DNAJB6: variants seen among roughly 807,000 people sequenced by gnomAD.
DNAJB6 encodes dnaJ homolog subfamily B member 6.
Under a neutral mutation model 42.7 loss-of-function variants are expected in DNAJB6, and 16 were observed. The ratio of observed to expected loss-of-function variants is 0.37; its 90% CI spans 0.25 to 0.57. The LOEUF (loss-of-function observed/expected upper bound fraction) is 0.57. Among genes scored for constraint, DNAJB6 ranks in the 20% least tolerant of loss-of-function variants. DNAJB6 has a pLI of 0.74. For missense variants in DNAJB6, 347 were observed against 416.8 expected (o/e 0.83, Z 1.46); for synonymous variants, 170 against 163.5 (o/e 1.04, Z -0.30).
rs1003716688 is a variant in DNAJB6 at position 157,416,778 on chromosome 7, A to C, written c.*680A>C. On this transcript the variant is annotated 3_prime_UTR_variant, in exon 10 of 10. Transcript: ENST00000262177. ...TTTTTGCTAATTATTTTTAGCAAAA[A>C]ATTTTTGCTCAGTGGCACTCTCCCT... 2 of 152,144 alleles carry C rather than the reference A, an allele frequency of 1.3e-5. No homozygotes were observed. Among genetic ancestry groups the C allele is most frequent in the Non-Finnish European group, 2.9e-5 (2 of 68,052 alleles). 9.4% of individuals were successfully genotyped at this position (152,144 alleles called of 1,614,324 possible). A position where few individuals can be genotyped will look rare whatever the true frequency, so the allele number is the denominator to read the frequency against.
rs111582558 is a variant in DNAJB6 at position 157,345,812 on chromosome 7, T to G, written c.-27+8668T>G. 8.9e-3 allele frequency among the ~76,000 whole-genome samples: 1,363 copies of G among 152,292 alleles called. 25 individuals are homozygous for G. The highest frequency in any genetic ancestry group is 0.031 in the African/African-American group (1,299 of 41,564). On this transcript the variant is annotated intron_variant, in intron 1 of 9. Coordinates refer to ENST00000262177, the MANE Select transcript of DNAJB6 (RefSeq NM_058246.4). ...TAAAAAGGTTTTTGCCAAGTGGGGT[T>G]CTAATGGACACCTATGCTTGTAGAG...
chr7:157,377,870 A>T (rs1455379762), intron 5 of DNAJB6, among the ~76,000 whole-genome samples: 3 of 152,208 alleles, frequency 2.0e-5, no homozygotes, highest in Non-Finnish European at 2.9e-5. Flanking sequence ...AAGTGAGGGC[A>T]AGAACAAGGT....
At chr7:157,408,631 TTC>T (rs1208884732) in intron 8 of DNAJB6, among the ~76,000 whole-genome samples, 1 of 152,230 alleles carries the variant, frequency 6.6e-6, no homozygotes, top group Non-Finnish European at 1.5e-5. Context: ...TCGGAGCCCG[TTC>T]TCTCTGTTGT....
intron 5 of DNAJB6, chr7:157,368,882 G>A (rs1563127212): frequency 4.9e-6 from 1 of 202,990 alleles, no homozygotes; most frequent in Non-Finnish European, 1.0e-5. Context: ...ATAATACAGG[G>A]GAGAAACGTG....
At chr7:157,390,163 G>A (rs1801269868) in intron 8 of DNAJB6, among the ~76,000 whole-genome samples, 2 of 152,354 alleles carry the variant, frequency 1.3e-5, no homozygotes, top group Admixed American at 1.3e-4. Context: ...ATTCAGAGAT[G>A]CCCTGGACCA....
intron 9 of DNAJB6, 105 bp downstream of exon 9, chr7:157,410,106 T>G: frequency 7.0e-7 from 1 of 1,425,040 alleles, no homozygotes. Context: ...TGTTCTGACC[T>G]GAGCGGGCGT....
chr7:157,375,289 C>A (rs1257750476), intron 5 of DNAJB6, among the ~76,000 whole-genome samples: 1 of 152,162 alleles, frequency 6.6e-6, no homozygotes, highest in Non-Finnish European at 1.5e-5. Flanking sequence ...TGGTTTCTTC[C>A]CTGAGCAATG....
At chr7:157,377,381 G>A (rs1319526045) in intron 5 of DNAJB6, among the ~76,000 whole-genome samples, 2 of 152,178 alleles carry the variant, frequency 1.3e-5, no homozygotes, top group Non-Finnish European at 2.9e-5. Context: ...TTCAAGTAAT[G>A]TTTGTACCTC....
At chr7:157,355,214 C>T (rs374299190) in intron 1 of DNAJB6, among the ~76,000 whole-genome samples, 327 of 152,240 alleles carry the variant, frequency 2.1e-3, no homozygotes, top group Non-Finnish European at 3.5e-3. Flanking sequence ...AGTGCAGTGG[C>T]GCGGGCGCGA....
At chr7:157,353,619 G>GTGTGTATA (rs765489885) in intron 1 of DNAJB6, among the ~76,000 whole-genome samples, 21 of 146,988 alleles carry the variant, frequency 1.4e-4, no homozygotes, top group African/African-American at 5.4e-4. Context: ...GTGTGTGTGT[G>GTGTGTATA]TGTATGTATT....
chr7:157,345,504 A>G (rs1798639034), intron 1 of DNAJB6, among the ~76,000 whole-genome samples: 1 of 151,574 alleles, frequency 6.6e-6, no homozygotes, highest in South Asian at 2.1e-4. Context: ...TTTTGTAGAG[A>G]TGGTGTCTTA....
chr7:157,345,532 G>A (rs963006683), intron 1 of DNAJB6, among the ~76,000 whole-genome samples: 2 of 152,042 alleles, frequency 1.3e-5, no homozygotes, highest in African/African-American at 4.8e-5. Context: ...GCCCAGGCTG[G>A]TCTCAAGCTC....
rs1222731913 is a variant in DNAJB6, at chr7:157,354,473, T to TA, written c.-26-4074_-26-4073insA. On this transcript the variant is annotated intron_variant, in intron 1 of 9. Coordinates refer to ENST00000262177, the MANE Select transcript of DNAJB6 (RefSeq NM_058246.4). ...TTCATTTTTAGTTTTAATTTTTTTT[T>TA]TAAAAAAATTATTTTCATTTTTTTG... 2.1e-3 allele frequency among the ~76,000 whole-genome samples: 258 copies of TA among 121,792 alleles called. 1 individual carries two copies. Among genetic ancestry groups the TA allele is most frequent in the East Asian group, 9.2e-3 (36 of 3,926 alleles). The allele number at this position is 121,792 out of a possible 152,430, so 79.9% of individuals were successfully genotyped here. A position where few individuals can be genotyped will look rare whatever the true frequency, so the allele number is the denominator to read the frequency against.
chr7:157,375,978 A>G (rs1013282195), intron 5 of DNAJB6, among the ~76,000 whole-genome samples: 1 of 152,064 alleles, frequency 6.6e-6, no homozygotes, highest in Middle Eastern at 3.2e-3. Flanking sequence ...TGGGGAATTG[A>G]CAGTGGGTCC....
intron 1 of DNAJB6, among the ~76,000 whole-genome samples, chr7:157,339,394 G>C (rs1200773668): frequency 6.7e-6 from 1 of 149,046 alleles, no homozygotes; most frequent in East Asian, 2.0e-4. Context: ...ACCTCCCGGG[G>C]TCACACCATT....
intron 2 of DNAJB6, among the ~76,000 whole-genome samples, chr7:157,361,024 G>T (rs1799557661): frequency 6.6e-6 from 1 of 152,028 alleles, no homozygotes; most frequent in Admixed American, 6.6e-5. Flanking sequence ...CTCATCCATT[G>T]CCAAGTTTTC....
chr7:157,389,603 G>A (rs1025039838), intron 8 of DNAJB6, among the ~76,000 whole-genome samples: 16 of 152,218 alleles, frequency 1.1e-4, no homozygotes, highest in East Asian at 3.8e-4. Flanking sequence ...TTCTAGGGAC[G>A]TGGGGGGAGC....
At chr7:157,337,373 C>T (rs1798094961) in intron 1 of DNAJB6, among the ~76,000 whole-genome samples, 1 of 151,542 alleles carries the variant, frequency 6.6e-6, no homozygotes, top group African/African-American at 2.4e-5. Context: ...TCTGGGGCCG[C>T]CCGGCCGCGT....
intron 1 of DNAJB6, chr7:157,339,974 A>AT (rs1347960096): frequency 6.6e-6 from 1 of 152,122 alleles, no homozygotes; most frequent in Non-Finnish European, 1.5e-5. Context: ...TTGGGCAGGT[A>AT]TTTTTAGTCA....
Sources: allele counts gnomAD v4.1 joint callset (sites outside exome capture counted in the v4.1 genomes callset), GRCh38; gene constraint gnomAD v4.1.1; transcripts MANE v1.5; gene names NCBI Gene and HGNC (gene_info 2026-07-23, HGNC 2026-07-21).